FBXO3: variants seen among roughly 807,000 people sequenced by gnomAD.
The protein encoded by FBXO3 is F-box only protein 3.
In FBXO3, 17 loss-of-function variants were observed where a neutral mutation model predicts 64.8. That is an observed-to-expected ratio of 0.26 (90% CI 0.18 to 0.39). FBXO3 has a LOEUF of 0.39. Ranked by LOEUF, FBXO3 falls within the 10% of genes least tolerant of loss-of-function variation. The pLI, the probability that FBXO3 is intolerant of heterozygous loss-of-function variation, is 1.00. For missense variants in FBXO3, 420 were observed against 589.9 expected (o/e 0.71, Z 2.98); for synonymous variants, 182 against 201.6 (o/e 0.90, Z 0.82).
Position 33,741,879 on chromosome 11 carries a change from T to TA in FBXO3, c.*28_*29insT. ...AAATCTATTTAACAGCCTAGAATCA[T>TA]CCTAGTGCTTCCATCAGCAGAAGGC... On this transcript the variant is annotated 3_prime_UTR_variant, in exon 11 of 11. Transcript: ENST00000265651. 1 of 1,600,540 alleles carries TA rather than the reference T, an allele frequency of 6.2e-7. No homozygotes were observed. Among genetic ancestry groups the TA allele is most frequent in the Non-Finnish European group, 8.5e-7 (1 of 1,173,916 alleles).
chr11:33,749,968 A>G (rs1247902880), intron 8 of FBXO3, among the ~76,000 whole-genome samples: 1 of 151,810 alleles, frequency 6.6e-6, no homozygotes, highest in Non-Finnish European at 1.5e-5. Flanking sequence ...AAATATACTT[A>G]TATATTACAT....
intron 4 of FBXO3, among the ~76,000 whole-genome samples, chr11:33,756,526 A>G (rs899671042): frequency 2.6e-5 from 4 of 152,228 alleles, no homozygotes; most frequent in Non-Finnish European, 4.4e-5. Context: ...TCAATGCTTG[A>G]GCCATGTATA....
Position 33,750,388 on chromosome 11 carries a change from T to C in FBXO3, c.932+151A>G, listed in dbSNP as rs1337491866. On this transcript the variant is annotated intron_variant, in intron 8 of 10. Coordinates refer to ENST00000265651, the MANE Select transcript of FBXO3 (RefSeq NM_012175.4). ...TGAAGTCAAAGTCCTCCATGAACAC[T>C]ATCTTGTAGAAAATGTATCCACCTT... The C allele has an allele frequency of 1.0e-5, 8 of 798,728 alleles. No individual in the cohort carries two copies. In the African/African-American group the frequency reaches 1.2e-4, roughly 12 times the overall value. The allele number at this position is 798,728 out of a possible 1,614,324, so 49.5% of individuals were successfully genotyped here.
At chr11:33,764,555 TA>T (rs566478410) in intron 3 of FBXO3, among the ~76,000 whole-genome samples, 2,312 of 148,480 alleles carry the variant, frequency 0.016, 28 homozygotes, top group Middle Eastern at 0.069. Context: ...GTTATCTTTC[TA>T]AAAAAAAAAC....
chr11:33,750,082 A>G (rs1254214405), intron 8 of FBXO3, among the ~76,000 whole-genome samples: 1 of 152,164 alleles, frequency 6.6e-6, no homozygotes, highest in African/African-American at 2.4e-5. Flanking sequence ...ACGTAAATTT[A>G]AAATATTTGC....
Position 33,741,647 on chromosome 11 carries a change from A to G in FBXO3, c.*261T>C, listed in dbSNP as rs831592. ...AATATTTTAAAACAAAGGTATGTCCATTCCTTAGCTAGAGAACTATTCTTC... is the reference window on the plus strand; with the variant it reads ...AATATTTTAAAACAAAGGTATGTCCGTTCCTTAGCTAGAGAACTATTCTTC... On this transcript the variant is annotated 3_prime_UTR_variant, in exon 11 of 11. Transcript: ENST00000265651. The G allele has an allele frequency of 0.65, 191,815 of 294,274 alleles. 63,345 individuals are homozygous for G. The highest frequency in any genetic ancestry group is 0.68 in the African/African-American group (31,499 of 46,184). The allele number at this position is 294,274 out of a possible 1,614,324, so 18.2% of individuals were successfully genotyped here. A position where few individuals can be genotyped will look rare whatever the true frequency, so the allele number is the denominator to read the frequency against.
intron 3 of FBXO3, among the ~76,000 whole-genome samples, chr11:33,767,989 G>C (rs1025961096): frequency 2.0e-5 from 3 of 152,176 alleles, no homozygotes; most frequent in African/African-American, 7.2e-5. Flanking sequence ...TGATTTGTAT[G>C]AAAGTAATAT....
rs764163275 is a variant in FBXO3, at chr11:33,741,927, C to T, written c.1397G>A (p.Arg466His). 38 of 1,611,994 alleles carry T rather than the reference C, an allele frequency of 2.4e-5. No individual in the cohort carries two copies. In the East Asian group the frequency reaches 3.1e-4, roughly 13 times the overall value. Residue 466 changes from arginine to histidine, a missense_variant, in exon 11 of 11, where the codon CGC becomes CAC. Physicochemically the swap from Arg to His is conservative, Grantham distance 29. Coordinates refer to ENST00000265651, the MANE Select transcript of FBXO3 (RefSeq NM_012175.4). ...RVFDVPIRRR[R>H]CSRLF ...GGCTTGCTAAAAAAGGCGTGAGCAG[C>T]GGCGTCTGCGAATGGGAACATCAAA...
chr11:33,757,626 A>G (rs1287421914), intron 4 of FBXO3, among the ~76,000 whole-genome samples: 1 of 134,768 alleles, frequency 7.4e-6, no homozygotes, highest in African/African-American at 2.7e-5. Flanking sequence ...AAATACCACT[A>G]GCCTGGCAAC....
chr11:33,741,923 G>A lies in FBXO3; in HGVS notation c.1401C>T (p.Cys467=), dbSNP rs760893836. ...AGAAGGCTTGCTAAAAAAGGCGTGA[G>A]CAGCGGCGTCTGCGAATGGGAACAT... ...VFDVPIRRRR[C]SRLF Residue 467 remains cysteine (C), a synonymous_variant, in exon 11 of 11, where the codon TGC becomes TGT. Coordinates refer to ENST00000265651, the MANE Select transcript of FBXO3 (RefSeq NM_012175.4). The A allele has an allele frequency of 1.9e-6, 3 of 1,612,254 alleles. No homozygotes were observed. The highest frequency in any genetic ancestry group is 1.7e-5 in the Admixed American group (1 of 59,812).
chr11:33,748,699 A>T (rs952167022), intron 9 of FBXO3, 78 bp downstream of exon 9: 2 of 843,848 alleles, frequency 2.4e-6, no homozygotes, highest in Non-Finnish European at 3.8e-6. Context: ...TTATACATTT[A>T]TATGTTATAT....
intron 10 of FBXO3, 134 bp from the exon 11 acceptor site, chr11:33,742,218 G>T: frequency 1.4e-6 from 1 of 737,008 alleles, no homozygotes. Context: ...TTGAACAGTG[G>T]ATTCTCACAA....
chr11:33,757,102 C>T (rs1855116959), intron 4 of FBXO3: 32 of 517,034 alleles, frequency 6.2e-5, no homozygotes, highest in South Asian at 4.5e-4. Flanking sequence ...CTCATTCAAC[C>T]CTCATCTGAA....
chr11:33,754,700 T>C (rs1338861533), intron 5 of FBXO3, among the ~76,000 whole-genome samples, 200 bp from the exon 6 acceptor site: 1 of 152,156 alleles, frequency 6.6e-6, no homozygotes, highest in Non-Finnish European at 1.5e-5. Flanking sequence ...TACTCATTTC[T>C]TTCAGTAAAT....
intron 9 of FBXO3, among the ~76,000 whole-genome samples, chr11:33,747,792 G>A (rs1451900228): frequency 1.3e-5 from 2 of 151,280 alleles, no homozygotes; most frequent in African/African-American, 2.4e-5. Flanking sequence ...GATATCAGGC[G>A]TGAGCCACTG....
At chr11:33,763,362 T>C (rs992981110) in intron 3 of FBXO3, 11 of 402,438 alleles carry the variant, frequency 2.7e-5, no homozygotes, top group Non-Finnish European at 5.5e-5. Context: ...TCCAATAAAA[T>C]ACTAGCAGAT....
At chr11:33,748,131 A>G (rs972318504) in intron 9 of FBXO3, among the ~76,000 whole-genome samples, 1 of 152,190 alleles carries the variant, frequency 6.6e-6, no homozygotes, top group Non-Finnish European at 1.5e-5. Flanking sequence ...AATGGCAGAA[A>G]AAGAACTGTG....
At chr11:33,742,586 C>T (rs1854712815) in intron 10 of FBXO3, 1 of 152,374 alleles carries the variant, frequency 6.6e-6, no homozygotes. Context: ...TACAGTTTTA[C>T]TGAGCTTATA....
intron 5 of FBXO3, 76 bp downstream of exon 5, chr11:33,755,695 A>G: frequency 9.2e-7 from 1 of 1,090,668 alleles, no homozygotes; most frequent in South Asian, 1.3e-5. Context: ...TACAATCCTG[A>G]AAATACCTAA....
Sources: gnomAD v4.1 joint callset for allele counts (sites outside exome capture counted in the v4.1 genomes callset) on GRCh38, gnomAD v4.1.1 for gene constraint, MANE v1.5 for transcripts, NCBI Gene and HGNC (gene_info 2026-07-23, HGNC 2026-07-21) for gene names.